The following SCYL3 variants were observed in gnomAD, a reference collection of about 807,000 sequenced individuals.
SCYL3 encodes SCY1 like pseudokinase 3.
In SCYL3, 35 loss-of-function variants were observed where a neutral mutation model predicts 73.8. That is an observed-to-expected ratio of 0.47 (90% CI 0.36 to 0.63). SCYL3 has a LOEUF of 0.63. Ranked by LOEUF, SCYL3 falls within the 20% of genes least tolerant of loss-of-function variation. SCYL3 has a pLI of 0.00. For missense variants in SCYL3, 712 were observed against 798.9 expected, an observed-to-expected ratio of 0.89 and a Z score of 1.31; for synonymous variants, 277 against 295.2, an observed-to-expected ratio of 0.94 and a Z score of 0.63.
intron 7 of SCYL3, among the ~76,000 whole-genome samples, chr1:169,868,525 C>T (rs1660189557): frequency 6.6e-6 from 1 of 152,160 alleles, no homozygotes; most frequent in South Asian, 2.1e-4. Flanking sequence ...TTCCCCATCC[C>T]CATGAGAAAA....
chr1:169,884,422 C>T lies in SCYL3; in HGVS notation c.165+4254G>A, dbSNP rs561556242. The stretch of plus-strand genomic sequence containing the variant: ...AAATGATTCGTCTGCCTCAACCTCT[C>T]GAATAGCTGGGATTACAGGCGCCCA... On this transcript the variant is annotated intron_variant, in intron 2 of 12. Coordinates refer to ENST00000367771, the MANE Select transcript of SCYL3 (RefSeq NM_020423.7). Among the ~76,000 whole-genome samples the T allele has an allele frequency of 3.9e-5, 6 of 152,210 alleles. No homozygotes were observed. The South Asian group carries it at 6.2e-4, about 16-fold the overall frequency.
Position 169,854,961 on chromosome 1 carries a change from T to C in SCYL3, c.1316A>G (p.Asp439Gly). The change falls in exon 12 of 13, where the codon GAT becomes GGT. Residue 439 changes from aspartate to glycine, a missense_variant. Physicochemically the swap from Asp to Gly is moderately conservative, Grantham distance 94. Transcript: ENST00000367771. ...AAATTTAATAGGCTGAGAAAATGGATCGCCTGTAGGGAAAATAATTATTCT... is the reference window on the plus strand; with the variant it reads ...AAATTTAATAGGCTGAGAAAATGGACCGCCTGTAGGGAAAATAATTATTCT... ...TKNTDLSLEG[D>G]PFSQPIKFPI... 2 of 1,596,974 alleles carry C rather than the reference T, an allele frequency of 1.3e-6. No individual in the cohort carries two copies. The highest frequency in any genetic ancestry group is 1.1e-5 in the South Asian group (1 of 89,236).
In SCYL3 at chr1:169,878,793, G is replaced by C; in HGVS notation, c.192C>G (p.Cys64Trp). 6.2e-7 allele frequency: 1 copy of C among 1,613,056 alleles called. No individual in the cohort carries two copies. The highest frequency in any genetic ancestry group is 1.3e-5 in the African/African-American group (1 of 74,954). Residue 64 changes from cysteine to tryptophan, a missense_variant, in exon 3 of 13, where the codon TGC (cysteine) becomes TGG (tryptophan). Transcript: ENST00000367771. ...AKHLKTLRHPCLLRFLSCTVE... is the reference protein window; with the variant it reads ...AKHLKTLRHPWLLRFLSCTVE... ...CAGTACAAGATAAAAATCTTAGCAA[G>C]CAAGGGTGACGAAGTGTCTTCAAAT...
At chr1:169,888,594 A>T (rs1206167711) in intron 2 of SCYL3, 82 bp downstream of exon 2, 2 of 1,160,906 alleles carry the variant, frequency 1.7e-6, no homozygotes, top group African/African-American at 3.1e-5. Context: ...ACCTCCTTTG[A>T]ACTTTACTAA....
intron 7 of SCYL3, 79 bp from the exon 8 acceptor site, chr1:169,867,052 T>C: frequency 2.7e-6 from 2 of 749,320 alleles, no homozygotes; most frequent in East Asian, 2.6e-5. Context: ...ACAGACTACA[T>C]CAATATAATT....
chr1:169,872,944 A>G (rs553890192), intron 5 of SCYL3, among the ~76,000 whole-genome samples: 15 of 152,298 alleles, frequency 9.8e-5, no homozygotes, highest in African/African-American at 3.1e-4. Context: ...GACTTGCCTC[A>G]TCTCAGATGA....
intron 9 of SCYL3, 30 bp from the exon 10 acceptor site, chr1:169,862,827 A>G: frequency 6.2e-7 from 1 of 1,607,270 alleles, no homozygotes; most frequent in East Asian, 2.2e-5. Flanking sequence ...TTACAGATGA[A>G]AAAACAAATT....
Position 169,875,961 on chromosome 1 carries a change from G to C in SCYL3, c.465+17C>G, listed in dbSNP as rs1660770185. ...ATTAAAAACCAAGTAAGGAAGGGGG[G>C]CTGTCCCCTGGCTTACCTCTGGTGT... On this transcript the variant is annotated intron_variant, in intron 4 of 12. Transcript: ENST00000367771. 3 of 1,533,676 alleles carry C rather than the reference G, an allele frequency of 2.0e-6. No homozygotes were observed. The highest frequency in any genetic ancestry group is 1.8e-6 in the Non-Finnish European group (2 of 1,118,856).
At chr1:169,869,155 C>T in intron 6 of SCYL3, 116 bp from the exon 7 acceptor site, 1 of 739,638 alleles carries the variant, frequency 1.4e-6, no homozygotes, top group Admixed American at 2.3e-5. Flanking sequence ...AAACAAAGCC[C>T]TGGCTGTTGC....
In SCYL3 at chr1:169,849,856, A is replaced by G; in HGVS notation, c.*3857T>C. 2.0e-6 allele frequency: 1 copy of G among 503,080 alleles called. No individual in the cohort carries two copies. The highest frequency in any genetic ancestry group is 3.6e-6 in the Non-Finnish European group (1 of 281,646). 31.2% of individuals were successfully genotyped at this position (503,080 alleles called of 1,614,324 possible). A position where few individuals can be genotyped will look rare whatever the true frequency, so the allele number is the denominator to read the frequency against. On this transcript the variant is annotated 3_prime_UTR_variant, in exon 13 of 13. Transcript: ENST00000367771. ...ACACAGCAGGCCTACTGATACAGAC[A>G]GACACAGACACAGTCTTCCAGCAGA...
intron 5 of SCYL3, among the ~76,000 whole-genome samples, chr1:169,870,922 T>C (rs988972750): frequency 2.6e-5 from 4 of 152,220 alleles, no homozygotes; most frequent in African/African-American, 9.6e-5. Flanking sequence ...TCATATTTCC[T>C]GTAAAGCACA....
At chr1:169,882,104 T>C (rs1432804977) in intron 2 of SCYL3, among the ~76,000 whole-genome samples, 1 of 151,366 alleles carries the variant, frequency 6.6e-6, no homozygotes, top group Non-Finnish European at 1.5e-5. Context: ...TGCAGGGAGG[T>C]GTGAAGGGAG....
chr1:169,869,744 G>A (rs1210666552), intron 6 of SCYL3, among the ~76,000 whole-genome samples: 7 of 152,098 alleles, frequency 4.6e-5, no homozygotes, highest in Non-Finnish European at 1.0e-4. Flanking sequence ...GAAGAGAGGA[G>A]AAAACAATGT....
In SCYL3 at chr1:169,849,816, G is replaced by A; in HGVS notation, c.*3897C>T. ...TCGTAAGGTCCTCTGAATAAACAAG[G>A]ACCAGAACAGGCATACACAGCAGGC... On this transcript the variant is annotated 3_prime_UTR_variant, in exon 13 of 13. Transcript: ENST00000367771. 5.4e-6 allele frequency: 3 copies of A among 553,870 alleles called. No homozygotes were observed. Among genetic ancestry groups the A allele is most frequent in the Non-Finnish European group, 9.7e-6 (3 of 309,654 alleles). 34.3% of individuals were successfully genotyped at this position (553,870 alleles called of 1,614,324 possible).
chr1:169,853,940 T>C, intron 12 of SCYL3, 168 bp from the exon 13 acceptor site: 1 of 749,854 alleles, frequency 1.3e-6, no homozygotes. Context: ...AAAAGTAGGA[T>C]TACAAAACCA....
intron 2 of SCYL3, among the ~76,000 whole-genome samples, chr1:169,882,179 T>C (rs545956676): frequency 1.3e-5 from 2 of 152,202 alleles, no homozygotes; most frequent in Non-Finnish European, 2.9e-5. Flanking sequence ...TGGGTGGGCG[T>C]GGGCTTGGCA....
At chr1:169,857,194 A>T (rs142822263) in intron 11 of SCYL3, among the ~76,000 whole-genome samples, 12 of 152,204 alleles carry the variant, frequency 7.9e-5, no homozygotes, top group Non-Finnish European at 1.3e-4. Context: ...AAACTTAAAC[A>T]TCTAGTGTTA....
intron 2 of SCYL3, among the ~76,000 whole-genome samples, chr1:169,880,952 G>C (rs140020586): frequency 6.6e-6 from 1 of 152,080 alleles, no homozygotes; most frequent in South Asian, 2.1e-4. Context: ...AGTAGAGACA[G>C]GGTTTCACCA....
At chr1:169,878,299 C>T (rs572428724) in intron 3 of SCYL3, among the ~76,000 whole-genome samples, 2 of 152,344 alleles carry the variant, frequency 1.3e-5, no homozygotes, top group South Asian at 2.1e-4. Context: ...GCAGCACTGA[C>T]ATTACACCTT....
Sources: gnomAD v4.1 joint callset for allele counts (sites outside exome capture counted in the v4.1 genomes callset) on GRCh38, gnomAD v4.1.1 for gene constraint, MANE v1.5 for transcripts, NCBI Gene and HGNC (gene_info 2026-07-23, HGNC 2026-07-21) for gene names.